The following GTF3C2 variants were observed in gnomAD, a reference collection of about 807,000 sequenced individuals.
The protein encoded by GTF3C2 is general transcription factor 3C polypeptide 2.
GTF3C2 carries 17 observed loss-of-function variants against 117.4 expected under a neutral mutation model. The observed-to-expected ratio is 0.14, with a 90% CI of 0.10 to 0.22. The LOEUF is 0.22. Among genes scored for constraint, GTF3C2 ranks in the 10% least tolerant of loss-of-function variants. The pLI is 1.00. For missense variants in GTF3C2, 888 were observed against 1,143.6 expected (o/e 0.78, Z 3.22); for synonymous variants, 437 against 427.0 (o/e 1.02, Z -0.29).
In GTF3C2 at chr2:27,343,588, G is replaced by T; in HGVS notation, c.-24-10C>A. ...CCCAAAATGGCTGCCCCTGCATACA[G>T]AGACACACAAATGAGTAGAGGACAA... On this transcript the variant is annotated splice_polypyrimidine_tract_variant and intron_variant, in intron 1 of 18. Transcript: ENST00000264720. 1 of 1,609,126 alleles carries T rather than the reference G, an allele frequency of 6.2e-7. No homozygotes were observed. The highest frequency in any genetic ancestry group is 1.1e-5 in the South Asian group (1 of 90,716).
intron 1 of GTF3C2, among the ~76,000 whole-genome samples, chr2:27,355,921 T>G (rs1001459600): frequency 6.6e-6 from 1 of 152,240 alleles, no homozygotes; most frequent in African/African-American, 2.4e-5. Context: ...GTTTCATTTA[T>G]ATTGCTTAGG....
chr2:27,350,060 A>C (rs1201854188), intron 1 of GTF3C2, among the ~76,000 whole-genome samples: 1 of 152,214 alleles, frequency 6.6e-6, no homozygotes, highest in East Asian at 1.9e-4. Context: ...CATGACACAG[A>C]ACAATAACTT....
chr2:27,327,704 T>G (rs984191299), intron 17 of GTF3C2, among the ~76,000 whole-genome samples: 1 of 146,028 alleles, frequency 6.8e-6, no homozygotes, highest in Non-Finnish European at 1.5e-5. Flanking sequence ...CTTGGCTCAC[T>G]GCAATCTCCA....
intron 17 of GTF3C2, 131 bp downstream of exon 17, chr2:27,327,906 A>G: frequency 3.0e-6 from 2 of 667,640 alleles, no homozygotes; most frequent in Non-Finnish European, 2.5e-6. Context: ...GATTACAGGC[A>G]TGAGCCACTG....
At chr2:27,352,463 C>T (rs1681170355) in intron 1 of GTF3C2, among the ~76,000 whole-genome samples, 1 of 152,174 alleles carries the variant, frequency 6.6e-6, no homozygotes, top group African/African-American at 2.4e-5. Flanking sequence ...AACACCAAAC[C>T]TTTCACTTGT....
Position 27,329,206 on chromosome 2 carries a change from A to G in GTF3C2, c.1954T>C (p.Ser652Pro). The G allele has an allele frequency of 6.2e-7, 1 of 1,614,056 alleles. No homozygotes were observed. Among genetic ancestry groups the G allele is most frequent in the Non-Finnish European group, 8.5e-7 (1 of 1,179,968 alleles). ...TCTGTACTCAAGAAGCGCTTGATAG[A>G]GTTTATGGGTTCGTAAGGACGTCGA... Residue 652 changes from serine (S) to proline (P), a missense_variant, in exon 14 of 19, where the codon TCT becomes CCT. Ser to Pro is a moderately conservative substitution (Grantham distance 74). Around this residue, in one of 7 missense-constraint regions of GTF3C2, gnomAD observed 277 missense variants for 445.4 expected, o/e 0.62. Transcript: ENST00000264720. The surrounding 1 kb of genome is among the most constrained non-coding windows in gnomAD (Gnocchi z 4.5).
chr2:27,342,994 G>A (rs1285876231), exon 3 of GTF3C2: 2 of 1,614,238 alleles, frequency 1.2e-6, no homozygotes, highest in Non-Finnish European at 1.7e-6. Context: ...GGTGGACAGA[G>A]GGTTGGATTG....
intron 1 of GTF3C2, among the ~76,000 whole-genome samples, chr2:27,351,030 C>A (rs1483826746): frequency 6.6e-6 from 1 of 151,634 alleles, no homozygotes; most frequent in Non-Finnish European, 1.5e-5. Context: ...GTGGGAGGAT[C>A]ACTTATGCCC....
chr2:27,346,306 T>TA (rs1443981263), intron 1 of GTF3C2, among the ~76,000 whole-genome samples: 1 of 148,906 alleles, frequency 6.7e-6, no homozygotes, highest in Non-Finnish European at 1.5e-5. Context: ...TTATAGGTGT[T>TA]AGCCACCGTG....
exon 3 of GTF3C2, chr2:27,342,895 G>A: frequency 6.2e-7 from 1 of 1,614,198 alleles, no homozygotes; most frequent in Non-Finnish European, 8.5e-7. Flanking sequence ...CCTCTTTGGA[G>A]ATTGAGATTC....
At position 27,329,456 on chromosome 2, in the gene GTF3C2, G is replaced by T; in HGVS notation, c.1800C>A (p.Ser600=). The change falls in exon 13 of 19, where the codon TCC becomes TCA. Residue 600 remains serine (S), a synonymous_variant. Transcript: ENST00000264720. The surrounding 1 kb of genome is among the most constrained non-coding windows in gnomAD (Gnocchi z 4.5). ...AACACTGGAAGGGGTAGAGCTTTAA[G>T]GAGCCATCAGAGAGCCGTATCCGCT... The T allele has an allele frequency of 6.2e-7, 1 of 1,614,126 alleles. No individual in the cohort carries two copies. The highest frequency in any genetic ancestry group is 8.5e-7 in the Non-Finnish European group (1 of 1,179,972).
exon 2 of GTF3C2, chr2:27,343,563 C>T (rs1199883095): frequency 1.2e-6 from 2 of 1,613,448 alleles, no homozygotes; most frequent in Admixed American, 1.7e-5. Context: ...ATCAGCACCC[C>T]CCAAAATGGC....
chr2:27,345,368 G>A (rs943770908), intron 1 of GTF3C2, among the ~76,000 whole-genome samples: 3 of 152,168 alleles, frequency 2.0e-5, no homozygotes, highest in Admixed American at 1.3e-4. Flanking sequence ...TGAGGCAGGC[G>A]TATTGCCTGA....
chr2:27,343,007 C>G, exon 3 of GTF3C2: 2 of 1,614,168 alleles, frequency 1.2e-6, no homozygotes, highest in Non-Finnish European at 1.7e-6. Context: ...TTGGATTGAT[C>G]TAAGAGACCA....
chr2:27,332,112 TATAAAATTAAG>T (rs1442653533), intron 12 of GTF3C2, among the ~76,000 whole-genome samples: 2 of 152,206 alleles, frequency 1.3e-5, no homozygotes, highest in Non-Finnish European at 2.9e-5. Flanking sequence ...CTTTTTCTTC[TATAAAATTAAG>T]ATATAATTAA....
chr2:27,331,074 T>C (rs866664241), intron 12 of GTF3C2, among the ~76,000 whole-genome samples: 1 of 152,192 alleles, frequency 6.6e-6, no homozygotes, highest in Non-Finnish European at 1.5e-5. Flanking sequence ...AAAAGTTTGT[T>C]GACGATGAAT....
intron 1 of GTF3C2, among the ~76,000 whole-genome samples, chr2:27,354,225 G>C (rs1056076519): frequency 3.9e-5 from 6 of 152,080 alleles, no homozygotes; most frequent in African/African-American, 1.2e-4. Context: ...CAAGGTTACA[G>C]TGAGCTGTGA....
At chr2:27,335,481 G>C (rs1680430458) in intron 10 of GTF3C2, 117 bp downstream of exon 10, 2 of 718,596 alleles carry the variant, frequency 2.8e-6, no homozygotes, top group African/African-American at 1.7e-5. Context: ...GTGTGTGGCT[G>C]AGTAAGGCTT....
rs139775022 is a variant in GTF3C2 at position 27,353,690 on chromosome 2, C to T, written c.-25+3049G>A. Among the ~76,000 whole-genome samples the T allele has an allele frequency of 3.8e-3, 576 of 152,128 alleles. 1 individual carries two copies. The highest frequency in any genetic ancestry group is 0.013 in the African/African-American group (539 of 41,522). On this transcript the variant is annotated intron_variant, in intron 1 of 18. Transcript: ENST00000264720. ...CCAACCTCAGGTGATCCACCCACCT[C>T]GGCCTCCCAATCAACTTAGTTTTAA...
Sources: gnomAD v4.1 joint callset for allele counts (sites outside exome capture counted in the v4.1 genomes callset) on GRCh38, gnomAD v4.1.1 for gene constraint, gnomAD v4.1.1 regional missense constraint, Gnocchi (gnomAD v3.1) non-coding constraint, MANE v1.5 for transcripts, NCBI Gene and HGNC (gene_info 2026-07-23, HGNC 2026-07-21) for gene names.